The following SPTBN4 variants were observed in gnomAD, a reference collection of about 807,000 sequenced individuals.
SPTBN4 encodes the protein spectrin beta, non-erythrocytic 4.
A neutral mutation model predicts 277.8 loss-of-function variants in SPTBN4; 96 were observed. The ratio of observed to expected loss-of-function variants is 0.35; its 90% CI spans 0.29 to 0.41. SPTBN4 has a LOEUF of 0.41. Ranked by LOEUF, SPTBN4 falls within the 10% of genes least tolerant of loss-of-function variation. The pLI is 1.00. For missense variants in SPTBN4, 3,006 were observed against 3,595.7 expected, an observed-to-expected ratio of 0.84 and a Z score of 4.19; for synonymous variants, 1,481 against 1,580.3, an observed-to-expected ratio of 0.94 and a Z score of 1.49.
intron 18 of SPTBN4, among the ~76,000 whole-genome samples, chr19:40,529,875 G>T (rs1241547194): frequency 6.6e-6 from 1 of 152,018 alleles, no homozygotes; most frequent in Non-Finnish European, 1.5e-5. Flanking sequence ...AACCAAAGCT[G>T]GTTCAGGAAC....
intron 27 of SPTBN4, among the ~76,000 whole-genome samples, chr19:40,561,171 G>A (rs573949246): frequency 3.3e-5 from 5 of 152,214 alleles, no homozygotes; most frequent in East Asian, 1.9e-4. Context: ...CCACCACCAC[G>A]TCTGGCTAAT....
At chr19:40,570,779 C>A in intron 33 of SPTBN4, 51 bp downstream of exon 33, 2 of 1,575,168 alleles carry the variant, frequency 1.3e-6, no homozygotes, top group African/African-American at 1.4e-5. Context: ...TCAGGGTGAC[C>A]ATTGCGTGGA....
chr19:40,503,008 G>T, intron 11 of SPTBN4, 75 bp downstream of exon 11: 1 of 1,531,620 alleles, frequency 6.5e-7, no homozygotes, highest in South Asian at 1.2e-5. Context: ...CAGAGAGGGA[G>T]ACTTGATCTT....
chr19:40,550,242 G>T lies in SPTBN4; in HGVS notation c.4589G>T (p.Trp1530Leu). 1 of 1,613,648 alleles carries T rather than the reference G, an allele frequency of 6.2e-7. No individual in the cohort carries two copies. Among genetic ancestry groups the T allele is most frequent in the Non-Finnish European group, 8.5e-7 (1 of 1,179,944 alleles). ...VAHDLDDELA[W>L]VQERLPLAMQ... is the part of the protein sequence containing the mutation. ...TGCTTCCTGTGTCCTCTCCAGGCAT[G>T]GGTTCAGGAGCGGCTGCCACTGGCC... Residue 1530 changes from tryptophan (W) to leucine (L), a missense_variant, in exon 22 of 36, where the codon TGG becomes TTG. This residue lies in a region of SPTBN4 where 1,759 missense variants were observed against 2,061.5 expected (regional missense o/e 0.85). Coordinates refer to ENST00000598249, the MANE Select transcript of SPTBN4 (RefSeq NM_020971.3).
At chr19:40,495,436 A>G (rs1363207081) in intron 6 of SPTBN4, among the ~76,000 whole-genome samples, 2 of 152,146 alleles carry the variant, frequency 1.3e-5, no homozygotes, top group African/African-American at 4.8e-5. Context: ...TGATGTTAGG[A>G]GTTCAAGACC....
In SPTBN4 at chr19:40,502,473, C is replaced by G; in HGVS notation, c.1169C>G (p.Pro390Arg). ...LRACNRRLFV[P>R]REGCGIWDID... ...GCCTGCAACCGTCGCCTCTTTGTGC[C>G]TCGGGAGGGCTGTGGCATCTGGGAT... The change falls in exon 10 of 36, where the codon CCT (proline) becomes CGT (arginine). Residue 390 changes from proline to arginine, a missense_variant. Around this residue, in one of 5 missense-constraint regions of SPTBN4, gnomAD observed 1,759 missense variants for 2,061.5 expected, o/e 0.85. Transcript: ENST00000598249. This position sits in a 1 kb window ranked among gnomAD's most constrained non-coding sequence, Gnocchi z 4.9. The G allele has an allele frequency of 6.2e-7, 1 of 1,613,398 alleles. No homozygotes were observed. The highest frequency in any genetic ancestry group is 8.5e-7 in the Non-Finnish European group (1 of 1,179,898).
At chr19:40,492,019 T>C (rs1434289234) in intron 4 of SPTBN4, among the ~76,000 whole-genome samples, 8 of 145,302 alleles carry the variant, frequency 5.5e-5, no homozygotes, top group Admixed American at 2.0e-4. Flanking sequence ...TGAAACTCCA[T>C]CTAAAAAAAA....
rs781594779 is a variant in SPTBN4, at chr19:40,567,183, A to C, written c.6337-480A>C. The C allele has an allele frequency of 5.1e-5, 23 of 454,570 alleles. 2 individuals carry two copies. The highest frequency in any genetic ancestry group is 3.1e-4 in the South Asian group (20 of 64,384). 28.2% of individuals were successfully genotyped at this position (454,570 alleles called of 1,614,324 possible). A position where few individuals can be genotyped will look rare whatever the true frequency, so the allele number is the denominator to read the frequency against. On this transcript the variant is annotated intron_variant, in intron 30 of 35. Transcript: ENST00000598249. Reference sequence around the variant, plus strand: ...ATGGCACGTGCCTGTAGTCCCAGCTACTCAGAGGGGTGACTGAGACTCGAG... The same window carrying C: ...ATGGCACGTGCCTGTAGTCCCAGCTCCTCAGAGGGGTGACTGAGACTCGAG...
At position 40,519,845 on chromosome 19, in the gene SPTBN4, G is replaced by A; in HGVS notation, c.3348G>A (p.Gly1116=). Residue 1116 remains glycine, a synonymous_variant, in exon 16 of 36, where the codon GGG becomes GGA. Transcript: ENST00000598249. This position sits in a 1 kb window ranked among gnomAD's most constrained non-coding sequence, Gnocchi z 5.7. The part of the protein sequence containing the change: ...RAQEAAGGSE[G]PLPNSLEEAD... ...AGGAGGCGGCGGGCGGCAGCGAGGG[G>A]CCCCTGCCCAACAGCCTAGAAGAGG... is the stretch of plus-strand genomic sequence containing the variant. The A allele has an allele frequency of 6.9e-7, 1 of 1,444,816 alleles. No homozygotes were observed. Among genetic ancestry groups the A allele is most frequent in the Non-Finnish European group, 9.0e-7 (1 of 1,112,264 alleles). The allele number at this position is 1,444,816 out of a possible 1,614,324, so 89.5% of individuals were successfully genotyped here.
At chr19:40,506,158 G>A in intron 12 of SPTBN4, 78 bp from the exon 13 acceptor site, 1 of 1,522,688 alleles carries the variant, frequency 6.6e-7, no homozygotes, top group Non-Finnish European at 8.8e-7. Context: ...AGTAGCAGGG[G>A]CTGGCATAGG....
chr19:40,517,876 C>T (rs2080478220), intron 15 of SPTBN4, among the ~76,000 whole-genome samples: 1 of 152,164 alleles, frequency 6.6e-6, no homozygotes, highest in African/African-American at 2.4e-5. Context: ...CTGGCCAGAG[C>T]AGAACTTGAA....
rs780767423 is a variant in SPTBN4 at position 40,534,290 on chromosome 19, G to T, written c.4306G>T (p.Val1436Leu). 1 of 1,614,056 alleles carries T rather than the reference G, an allele frequency of 6.2e-7. No individual in the cohort carries two copies. Among genetic ancestry groups the T allele is most frequent in the Non-Finnish European group, 8.5e-7 (1 of 1,180,046 alleles). The stretch of plus-strand genomic sequence containing the variant: ...TCACATGGAGAGCCAGCTGCAAGAC[G>T]TGGACCCTGGAGGAGACCTGGCCAC... Reference protein sequence around the residue: ...LLHMESQLQDVDPGGDLATVN... With the variant: ...LLHMESQLQDLDPGGDLATVN... Residue 1436 changes from valine to leucine, a missense_variant, in exon 20 of 36, where the codon GTG (valine) becomes TTG (leucine). Physicochemically the swap from Val to Leu is conservative, Grantham distance 32. Coordinates refer to ENST00000598249, the MANE Select transcript of SPTBN4 (RefSeq NM_020971.3).
In SPTBN4 at chr19:40,560,197, G is replaced by A. The variant is rs768354201; in HGVS notation, c.5709G>A (p.Thr1903=). The change falls in exon 27 of 36, where the codon ACG becomes ACA. Residue 1903 remains threonine (T), a synonymous_variant. Transcript: ENST00000598249. The surrounding 1 kb of genome is among the most constrained non-coding windows in gnomAD (Gnocchi z 5.2). The part of the protein sequence containing the change: ...QLQEGAAQLR[T]VYAGEHAEAI... ...AGGAGGGGGCGGCCCAGCTGCGGAC[G>A]GTGTATGCGGGTGAACATGCCGAGG... 21 of 1,603,988 alleles carry A rather than the reference G, an allele frequency of 1.3e-5. No homozygotes were observed. The highest frequency in any genetic ancestry group is 3.3e-5 in the South Asian group (3 of 91,064).
At chr19:40,522,385 C>G (rs913638267) in intron 16 of SPTBN4, among the ~76,000 whole-genome samples, 4 of 134,620 alleles carry the variant, frequency 3.0e-5, no homozygotes, top group Admixed American at 8.2e-5. Context: ...GGGTCTTGCT[C>G]TGTCACCCAG....
intron 20 of SPTBN4, among the ~76,000 whole-genome samples, chr19:40,548,966 G>A (rs1161498426): frequency 6.6e-6 from 1 of 152,214 alleles, no homozygotes; most frequent in Non-Finnish European, 1.5e-5. Flanking sequence ...GGAAGAGCAT[G>A]CCTGGCAGAG....
In SPTBN4 at chr19:40,567,913, C is replaced by T. The variant is rs1389148489; in HGVS notation, c.6587C>T (p.Pro2196Leu). 2.6e-6 allele frequency: 4 copies of T among 1,522,146 alleles called. No individual in the cohort carries two copies. The highest frequency in any genetic ancestry group is 3.5e-6 in the Non-Finnish European group (4 of 1,138,192). 94.3% of individuals were successfully genotyped at this position (1,522,146 alleles called of 1,614,324 possible). A position where few individuals can be genotyped will look rare whatever the true frequency, so the allele number is the denominator to read the frequency against. Reference protein sequence around the residue: ...ERLQPRIDRLPEIPGRVEPAA... With the variant: ...ERLQPRIDRLLEIPGRVEPAA... Reference sequence around the variant, plus strand: ...CTCCAGCCGCGCATTGACCGGCTGCCGGAGATCCCGGGGAGGGTGGAGCCC... The same window carrying T: ...CTCCAGCCGCGCATTGACCGGCTGCTGGAGATCCCGGGGAGGGTGGAGCCC... Residue 2196 changes from proline to leucine, a missense_variant, in exon 31 of 36, where the codon CCG becomes CTG. Pro to Leu is a moderately conservative substitution (Grantham distance 98, BLOSUM62 -3). This residue lies in a region of SPTBN4 where 630 missense variants were observed against 677.6 expected (regional missense o/e 0.93). Coordinates refer to ENST00000598249, the MANE Select transcript of SPTBN4 (RefSeq NM_020971.3).
At chr19:40,528,271 C>T (rs1316521327) in intron 17 of SPTBN4, among the ~76,000 whole-genome samples, 1 of 152,124 alleles carries the variant, frequency 6.6e-6, no homozygotes, top group African/African-American at 2.4e-5. Context: ...GCACTGTGGG[C>T]AGGAGGCCAG....
intron 18 of SPTBN4, among the ~76,000 whole-genome samples, chr19:40,530,149 G>A (rs2080646932): frequency 1.3e-5 from 2 of 151,980 alleles, no homozygotes; most frequent in Admixed American, 6.6e-5. Flanking sequence ...CCAGGAGCCC[G>A]AGCTTCTTCC....
rs1196151822 is a variant in SPTBN4 at position 40,512,759 on chromosome 19, A to T, written c.1970A>T (p.Glu657Val). The T allele has an allele frequency of 6.0e-6, 9 of 1,510,554 alleles. No individual in the cohort carries two copies. Among genetic ancestry groups the T allele is most frequent in the Non-Finnish European group, 7.9e-6 (9 of 1,137,938 alleles). 93.6% of individuals were successfully genotyped at this position (1,510,554 alleles called of 1,614,324 possible). A position where few individuals can be genotyped will look rare whatever the true frequency, so the allele number is the denominator to read the frequency against. ...WALLQELEEA[E>V]SWARDKERLL... ...CTGCTGCAGGAGCTGGAGGAGGCCG[A>T]GAGCTGGGCGCGCGACAAGGAGCGT... Residue 657 changes from glutamate (E) to valine (V), a missense_variant, in exon 14 of 36, where the codon GAG (glutamate) becomes GTG (valine). Glu to Val is a moderately radical substitution (Grantham distance 121, BLOSUM62 -2). Around this residue, in one of 5 missense-constraint regions of SPTBN4, gnomAD observed 1,759 missense variants for 2,061.5 expected, o/e 0.85. Transcript: ENST00000598249.
Sources: allele counts gnomAD v4.1 joint callset (sites outside exome capture counted in the v4.1 genomes callset), GRCh38; gene constraint gnomAD v4.1.1; regional missense constraint gnomAD v4.1.1; non-coding constraint Gnocchi (gnomAD v3.1); transcripts MANE v1.5; gene names NCBI Gene and HGNC (gene_info 2026-07-23, HGNC 2026-07-21).